RC3H1: variants seen among roughly 807,000 people sequenced by gnomAD.
RC3H1 encodes the protein roquin-1.
RC3H1 carries 50 observed loss-of-function variants against 138.2 expected under a neutral mutation model. The observed-to-expected ratio is 0.36, with a 90% CI of 0.29 to 0.46. The LOEUF (loss-of-function observed/expected upper bound fraction) is 0.46. Ranked by LOEUF, RC3H1 falls within the 20% of genes least tolerant of loss-of-function variation. The probability of loss-of-function intolerance (pLI) is 1.00; values close to 1 mark genes in which losing one functional copy is unlikely to be tolerated. For synonymous variants in RC3H1, 462 were observed against 489.1 expected, an observed-to-expected ratio of 0.94 and a Z score of 0.73; for missense variants, 1,031 against 1,388.1, an observed-to-expected ratio of 0.74 and a Z score of 4.09.
chr1:173,965,184 G>C (rs373938597), intron 9 of RC3H1, 64 bp from the exon 10 acceptor site: 3 of 1,355,376 alleles, frequency 2.2e-6, no homozygotes, highest in East Asian at 2.4e-5. Flanking sequence ...GAACTAAAAT[G>C]TACTTAATAT....
intron 1 of RC3H1, among the ~76,000 whole-genome samples, chr1:174,005,943 T>C (rs1403472096): frequency 1.3e-5 from 2 of 152,152 alleles, no homozygotes; most frequent in Non-Finnish European, 2.9e-5. Context: ...CGGTGGCTCA[T>C]GCCTGTAATC....
chr1:174,010,875 C>G (rs543145415), intron 1 of RC3H1, among the ~76,000 whole-genome samples: 1 of 152,260 alleles, frequency 6.6e-6, no homozygotes, highest in Admixed American at 6.5e-5. Context: ...AGTATGTTCA[C>G]TGAGGAGTGA....
At position 173,938,908 on chromosome 1, in the gene RC3H1, G is replaced by A. The variant is rs1658709890; in HGVS notation, c.3252-37C>T. The A allele has an allele frequency of 2.0e-6, 3 of 1,505,508 alleles. No homozygotes were observed. The South Asian group carries it at 3.8e-5, about 19-fold the overall frequency. The allele number at this position is 1,505,508 out of a possible 1,614,324, so 93.3% of individuals were successfully genotyped here. A position where few individuals can be genotyped will look rare whatever the true frequency, so the allele number is the denominator to read the frequency against. ...TTAAAATTTTGAAAAAGGAGAGAGA[G>A]AAAAATGATTACTACAATAAAATCA... On this transcript the variant is annotated intron_variant, in intron 19 of 19. Coordinates refer to ENST00000367696, the MANE Select transcript of RC3H1 (RefSeq NM_172071.4).
intron 13 of RC3H1, 25 bp from the exon 14 acceptor site, chr1:173,952,163 CAA>C (rs74263815): frequency 5.9e-3 from 5,434 of 916,126 alleles, no homozygotes; most frequent in South Asian, 0.012. Context: ...AGAAAAAAAA[CAA>C]AAAAAAAAAA....
intron 1 of RC3H1, among the ~76,000 whole-genome samples, chr1:174,019,579 T>A (rs954248220): frequency 2.0e-5 from 3 of 152,220 alleles, no homozygotes; most frequent in African/African-American, 7.2e-5. Flanking sequence ...AAAGGCGTTG[T>A]GTACAAATTA....
chr1:173,939,202 T>C lies in RC3H1; in HGVS notation c.3252-331A>G, dbSNP rs549380606. Among the ~76,000 whole-genome samples the C allele has an allele frequency of 2.0e-5, 3 of 152,302 alleles. No homozygotes were observed. The East Asian group carries it at 5.8e-4, about 29-fold the overall frequency. On this transcript the variant is annotated intron_variant, in intron 19 of 19. Coordinates refer to ENST00000367696, the MANE Select transcript of RC3H1 (RefSeq NM_172071.4). The stretch of plus-strand genomic sequence containing the variant: ...AAGGCCCGTATCTTAAAATACTTAC[T>C]ACCTGGCCTTTAAGAAGAGTACTTA...
At chr1:173,982,160 ACCTGAGGT>A (rs1435013676) in intron 5 of RC3H1, among the ~76,000 whole-genome samples, 1 of 152,120 alleles carries the variant, frequency 6.6e-6, no homozygotes, top group African/African-American at 2.4e-5. Context: ...CGGGCAGATC[ACCTGAGGT>A]CAGGAGTTCG....
At chr1:174,004,504 A>G (rs1173881872) in intron 1 of RC3H1, among the ~76,000 whole-genome samples, 2 of 151,990 alleles carry the variant, frequency 1.3e-5, no homozygotes, top group Non-Finnish European at 2.9e-5. Context: ...TGTGTTCTCT[A>G]AGAGAATGTC....
chr1:173,976,861 G>A (rs373001323), intron 7 of RC3H1, among the ~76,000 whole-genome samples: 7 of 151,890 alleles, frequency 4.6e-5, no homozygotes, highest in East Asian at 3.9e-4. Context: ...ACCTTATTCC[G>A]TAAGCAATTC....
chr1:173,959,393 G>A (rs939907787), intron 13 of RC3H1, among the ~76,000 whole-genome samples: 4 of 152,124 alleles, frequency 2.6e-5, no homozygotes, highest in Non-Finnish European at 4.4e-5. Context: ...TGTAAGACGC[G>A]CAAGACACTG....
chr1:174,007,965 G>C (rs1033537728), intron 1 of RC3H1, among the ~76,000 whole-genome samples: 6 of 152,104 alleles, frequency 3.9e-5, no homozygotes, highest in African/African-American at 1.4e-4. Context: ...AAAAAAAGTA[G>C]ACAAAAATCT....
intron 6 of RC3H1, among the ~76,000 whole-genome samples, chr1:173,980,455 C>A (rs1268187040): frequency 6.6e-6 from 1 of 151,824 alleles, no homozygotes; most frequent in South Asian, 2.1e-4. Flanking sequence ...TTATTTAAAA[C>A]CACTAGATAC....
chr1:174,001,194 C>A (rs1315111073), intron 1 of RC3H1, among the ~76,000 whole-genome samples: 1 of 152,172 alleles, frequency 6.6e-6, no homozygotes, highest in Non-Finnish European at 1.5e-5. Flanking sequence ...AAATTTCTAT[C>A]TCCAACCTAA....
At chr1:174,004,497 G>A (rs1466383842) in intron 1 of RC3H1, among the ~76,000 whole-genome samples, 1 of 151,874 alleles carries the variant, frequency 6.6e-6, no homozygotes, top group Non-Finnish European at 1.5e-5. Flanking sequence ...GTATTTATGT[G>A]TTCTCTAAGA....
At chr1:173,979,580 T>G (rs1660720475) in intron 6 of RC3H1, among the ~76,000 whole-genome samples, 1 of 152,122 alleles carries the variant, frequency 6.6e-6, no homozygotes. Flanking sequence ...CGCTTGAACC[T>G]GGGAGACAGA....
rs550234254 is a variant in RC3H1, at chr1:174,022,315, C to G, written c.-370G>C. On this transcript the variant is annotated 5_prime_UTR_variant, in exon 1 of 20. Transcript: ENST00000367696. The surrounding 1 kb of genome is among the most constrained non-coding windows in gnomAD (Gnocchi z 4.2). ...AGGGGCCATCTTGTTGCTCGGCCTC[C>G]TCTTCCTCCTCCTCGTCCTCCGCCG... 1.0e-5 allele frequency: 4 copies of G among 381,844 alleles called. No individual in the cohort carries two copies. Among genetic ancestry groups the G allele is most frequent in the Non-Finnish European group, 1.9e-5 (4 of 215,598 alleles). 23.7% of individuals were successfully genotyped at this position (381,844 alleles called of 1,614,324 possible).
chr1:173,954,123 G>C (rs758778605), intron 13 of RC3H1, among the ~76,000 whole-genome samples: 7 of 152,052 alleles, frequency 4.6e-5, no homozygotes, highest in Admixed American at 2.6e-4. Flanking sequence ...AGTATATGAA[G>C]GGATATCTGC....
intron 7 of RC3H1, among the ~76,000 whole-genome samples, chr1:173,978,190 G>A (rs1339637761): frequency 4.6e-5 from 7 of 152,102 alleles, no homozygotes; most frequent in Non-Finnish European, 1.0e-4. Context: ...GAAGAGGTAA[G>A]AATGGTAAAA....
At chr1:173,997,718 C>G (rs1176592876) in intron 1 of RC3H1, among the ~76,000 whole-genome samples, 1 of 152,076 alleles carries the variant, frequency 6.6e-6, no homozygotes, top group Non-Finnish European at 1.5e-5. Context: ...ACCATAAATA[C>G]AGGTTTGAGA....
Sources: gnomAD v4.1 joint callset for allele counts (sites outside exome capture counted in the v4.1 genomes callset) on GRCh38, gnomAD v4.1.1 for gene constraint, Gnocchi (gnomAD v3.1) non-coding constraint, MANE v1.5 for transcripts, NCBI Gene and HGNC (gene_info 2026-07-23, HGNC 2026-07-21) for gene names.